Variants in KLF8 observed in about 807,000 individuals in gnomAD.
KLF8 encodes the protein Krueppel-like factor 8.
In KLF8, 10 loss-of-function variants were observed where a neutral mutation model predicts 18.2. The ratio of observed to expected loss-of-function variants is 0.55; its 90% confidence interval spans 0.34 to 0.93. The LOEUF (loss-of-function observed/expected upper bound fraction) is 0.93. Among genes scored for constraint, KLF8 ranks in the 40% least tolerant of loss-of-function variants. KLF8 has a pLI of 0.02. For missense variants in KLF8, 264 were observed against 277.9 expected, an observed-to-expected ratio of 0.95 and a Z score of 0.36; for synonymous variants, 109 against 97.3, an observed-to-expected ratio of 1.12 and a Z score of -0.71.
the KLF8 span, among the ~76,000 whole-genome samples, chrX:56,189,820 T>G: frequency 4.7e-5 from 4 of 85,396 alleles, no homozygotes; most frequent in Non-Finnish European, 8.6e-5. Flanking sequence ...AATTGAACAA[T>G]GAGATCACAT....
chrX:56,090,469 T>G, the KLF8 span, among the ~76,000 whole-genome samples: 205 of 112,255 alleles, frequency 1.8e-3, 1 homozygote, highest in African/African-American at 6.2e-3. Flanking sequence ...TGTGTTGGAA[T>G]TATTAAACCA....
the KLF8 span, among the ~76,000 whole-genome samples, chrX:56,174,997 A>G: frequency 1.8e-5 from 2 of 111,004 alleles, no homozygotes; most frequent in South Asian, 3.8e-4. Flanking sequence ...TTTCTTCTTT[A>G]TTAGTCTTGT....
At chrX:56,269,533 G>T (rs981126599) in intron 4 of KLF8, 44 bp downstream of exon 4, 2 of 1,095,012 alleles carry the variant, frequency 1.8e-6, no homozygotes. Context: ...GTATGTGTGT[G>T]TGTGTGTGTG....
At chrX:56,204,135 C>T in the KLF8 span, among the ~76,000 whole-genome samples, 1 of 111,071 alleles carries the variant, frequency 9.0e-6, no homozygotes, top group Non-Finnish European at 1.9e-5. Flanking sequence ...TAGAGTTTTC[C>T]CACTTCTTTG....
chrX:56,283,595 T>C (rs1602477475), intron 5 of KLF8, among the ~76,000 whole-genome samples: 1 of 111,095 alleles, frequency 9.0e-6, no homozygotes, highest in East Asian at 2.8e-4. Context: ...ATGTTCTCAA[T>C]ATACTGATCT....
chrX:56,066,906 G>T, the KLF8 span, among the ~76,000 whole-genome samples: 22 of 109,839 alleles, frequency 2.0e-4, no homozygotes, highest in African/African-American at 7.0e-4. Context: ...GCCTACAAGG[G>T]CCAAGGGGCT....
chrX:56,209,238 C>T, the KLF8 span, among the ~76,000 whole-genome samples: 1 of 111,728 alleles, frequency 9.0e-6, no homozygotes, highest in Non-Finnish European at 1.9e-5. Flanking sequence ...TAGTTTTTGT[C>T]TTGAAATCTA....
the KLF8 span, among the ~76,000 whole-genome samples, chrX:55,963,080 CATT>C: frequency 1.8e-5 from 2 of 112,315 alleles, no homozygotes; most frequent in East Asian, 2.8e-4. Context: ...TCTCCCTTGT[CATT>C]GTTGTTTTTT....
chrX:56,257,046 ATAT>A (rs945851402), intron 2 of KLF8, among the ~76,000 whole-genome samples: 56 of 111,887 alleles, frequency 5.0e-4, no homozygotes, highest in Admixed American at 3.8e-4. Context: ...AAGTTTAATA[ATAT>A]TATTAAACAT....
At chrX:56,253,786 T>C (rs2066750280) in intron 2 of KLF8, among the ~76,000 whole-genome samples, 1 of 101,692 alleles carries the variant, frequency 9.8e-6, no homozygotes, top group South Asian at 4.8e-4. Context: ...TTTGAGATGT[T>C]GTCTCACTCT....
chrX:56,019,554 T>A, the KLF8 span, among the ~76,000 whole-genome samples: 1 of 112,630 alleles, frequency 8.9e-6, no homozygotes, highest in Non-Finnish European at 1.9e-5. Flanking sequence ...TACTTTAACA[T>A]CTCTGTGGCA....
chrX:55,980,074 G>C, the KLF8 span, among the ~76,000 whole-genome samples: 1 of 111,963 alleles, frequency 8.9e-6, no homozygotes, highest in Non-Finnish European at 1.9e-5. Context: ...AGTGACTGCA[G>C]GCCAGAAAGG....
At chrX:56,169,118 G>A in the KLF8 span, among the ~76,000 whole-genome samples, 1 of 111,188 alleles carries the variant, frequency 9.0e-6, no homozygotes, top group African/African-American at 3.3e-5. Context: ...CTGCCTTAAA[G>A]GGAATGACCT....
chrX:56,180,520 G>T, the KLF8 span, among the ~76,000 whole-genome samples: 1 of 110,120 alleles, frequency 9.1e-6, no homozygotes, highest in African/African-American at 3.3e-5. Context: ...GAATGTGTTT[G>T]CTCTTGCTTC....
chrX:56,026,297 G>A, the KLF8 span, among the ~76,000 whole-genome samples: 1 of 111,664 alleles, frequency 9.0e-6, no homozygotes, highest in African/African-American at 3.3e-5. Context: ...GGTGAACTGG[G>A]GAGAATAAGC....
chrX:56,001,720 T>G, the KLF8 span, among the ~76,000 whole-genome samples: 1 of 111,832 alleles, frequency 8.9e-6, no homozygotes, highest in African/African-American at 3.3e-5. Context: ...CCACAAAAAC[T>G]TCCCTTGTAA....
chrX:56,123,308 A>G, the KLF8 span, among the ~76,000 whole-genome samples: 1 of 91,001 alleles, frequency 1.1e-5, no homozygotes, highest in Non-Finnish European at 2.0e-5. Context: ...AGAGAAAGAA[A>G]GAAAGAAAAG....
At chrX:56,203,857 A>T in the KLF8 span, among the ~76,000 whole-genome samples, 1 of 110,522 alleles carries the variant, frequency 9.0e-6, no homozygotes, top group East Asian at 2.8e-4. Flanking sequence ...AGGTAATGTG[A>T]TTTCTTTGGT....
At chrX:56,056,873 G>A in the KLF8 span, among the ~76,000 whole-genome samples, 1 of 109,555 alleles carries the variant, frequency 9.1e-6, no homozygotes, top group Non-Finnish European at 1.9e-5. Context: ...TACACTGAGG[G>A]GCCAAGGTGC....
Sources: allele counts gnomAD v4.1 joint callset (sites outside exome capture counted in the v4.1 genomes callset), GRCh38; gene constraint gnomAD v4.1.1; transcripts MANE v1.5; gene names NCBI Gene and HGNC (gene_info 2026-07-23, HGNC 2026-07-21).